IGF1R: variants seen among roughly 807,000 people sequenced by gnomAD.
IGF1R encodes the protein insulin like growth factor 1 receptor, also known as insulin-like growth factor 1 receptor.
A neutral mutation model predicts 144.6 loss-of-function variants in IGF1R; 44 were observed. That is an observed-to-expected ratio of 0.30 (90% CI 0.24 to 0.39). The LOEUF is 0.39. IGF1R is among the 10% of genes least tolerant of loss of function. The probability of loss-of-function intolerance (pLI) is 1.00; values close to 1 mark genes in which losing one functional copy is unlikely to be tolerated. For synonymous variants in IGF1R, 795 were observed against 722.8 expected (o/e 1.10, Z -1.60); for missense variants, 1,355 against 1,833.7 (o/e 0.74, Z 4.77).
In IGF1R at chr15:98,730,558, G is replaced by T. The variant is rs78720318; in HGVS notation, c.640+22451G>T. ...AGTGCACATAGAGTTGGCCTCTGAG[G>T]TCAGCCTCCTGTTTTCCTGTGAAAA... On this transcript the variant is annotated intron_variant, in intron 2 of 20. Coordinates refer to ENST00000650285, the MANE Select transcript of IGF1R (RefSeq NM_000875.5). 2.6e-3 allele frequency among the ~76,000 whole-genome samples: 390 copies of T among 152,276 alleles called. 2 individuals are homozygous for T. Among genetic ancestry groups the T allele is most frequent in the African/African-American group, 9.2e-3 (382 of 41,552 alleles).
chr15:98,931,871 G>T (rs2015955286), intron 15 of IGF1R, among the ~76,000 whole-genome samples: 1 of 152,166 alleles, frequency 6.6e-6, no homozygotes, highest in Non-Finnish European at 1.5e-5. Context: ...CAAGAAGATA[G>T]ATATGCATTG....
chr15:98,868,372 G>GC (rs1342988653), intron 2 of IGF1R, among the ~76,000 whole-genome samples: 1 of 87,188 alleles, frequency 1.1e-5, no homozygotes, highest in Non-Finnish European at 2.5e-5. Context: ...TTTTTTTTTG[G>GC]GGGGGGGGTC....
chr15:98,909,712 C>T (rs2014917090), intron 6 of IGF1R, among the ~76,000 whole-genome samples: 1 of 152,226 alleles, frequency 6.6e-6, no homozygotes, highest in Non-Finnish European at 1.5e-5. Context: ...TTACACTCGG[C>T]CGCCTTGTTT....
intron 11 of IGF1R, 137 bp downstream of exon 11, chr15:98,922,568 A>T: frequency 8.7e-6 from 9 of 1,029,376 alleles, no homozygotes; most frequent in East Asian, 4.9e-5. Context: ...ACGTGCAGTC[A>T]TTGGCAGGTG....
rs1233956865 is a variant in IGF1R, at chr15:98,780,570, AAAAAAG to A, written c.640+72465_640+72470del. 8.1e-3 allele frequency among the ~76,000 whole-genome samples: 260 copies of A among 32,090 alleles called. 6 individuals carry two copies. Among genetic ancestry groups the A allele is most frequent in the African/African-American group, 0.011 (252 of 22,302 alleles). The allele number at this position is 32,090 out of a possible 152,430, so 21.1% of individuals were successfully genotyped here. A position where few individuals can be genotyped will look rare whatever the true frequency, so the allele number is the denominator to read the frequency against. On this transcript the variant is annotated intron_variant, in intron 2 of 20. Transcript: ENST00000650285. ...GTCTCAAAAAAAAAAAAAAAAAAAA[AAAAAAG>A]AGAGAGAGAGTAAATAAAATTGTAA...
At chr15:98,812,373 T>TC (rs58658627) in intron 2 of IGF1R, among the ~76,000 whole-genome samples, 5,141 of 151,808 alleles carry the variant, frequency 0.034, 282 homozygotes, top group African/African-American at 0.12. Context: ...TTTTTTTTTT[T>TC]CAAGGCAGAG....
chr15:98,738,213 A>G (rs561334043), intron 2 of IGF1R, among the ~76,000 whole-genome samples: 1 of 152,312 alleles, frequency 6.6e-6, no homozygotes, highest in African/African-American at 2.4e-5. Context: ...TCCCGTTGTA[A>G]GGCCAGGAGA....
Position 98,824,641 on chromosome 15 carries a change from T to C in IGF1R, c.641-66684T>C, listed in dbSNP as rs74373460. On this transcript the variant is annotated intron_variant, in intron 2 of 20. Coordinates refer to ENST00000650285, the MANE Select transcript of IGF1R (RefSeq NM_000875.5). ...AGGTTCTGCCAAAAGGCTGGGCCCT[T>C]GTCTCCCACCCCACTGCTGTTACTC... Among the ~76,000 whole-genome samples, 1,522 of 152,336 alleles carry C rather than the reference T, an allele frequency of 1.0e-2. 31 individuals carry two copies. The highest frequency in any genetic ancestry group is 0.035 in the African/African-American group (1,439 of 41,568).
intron 2 of IGF1R, among the ~76,000 whole-genome samples, chr15:98,716,848 G>T (rs556328597): frequency 6.6e-6 from 1 of 152,116 alleles, no homozygotes; most frequent in Non-Finnish European, 1.5e-5. Context: ...CAGCTTGGCC[G>T]CTGTTAGGTT....
chr15:98,795,718 T>C (rs570709881), intron 2 of IGF1R, among the ~76,000 whole-genome samples: 1 of 152,226 alleles, frequency 6.6e-6, no homozygotes, highest in African/African-American at 2.4e-5. Flanking sequence ...GCCTATTATG[T>C]GTTTCTTATA....
intron 2 of IGF1R, among the ~76,000 whole-genome samples, chr15:98,840,986 G>A (rs1463699158): frequency 6.6e-6 from 1 of 152,150 alleles, no homozygotes; most frequent in African/African-American, 2.4e-5. Flanking sequence ...TGGCCGTCCA[G>A]GCTGGTCTTG....
At chr15:98,658,310 G>T (rs1177406138) in intron 1 of IGF1R, among the ~76,000 whole-genome samples, 1 of 152,152 alleles carries the variant, frequency 6.6e-6, no homozygotes, top group East Asian at 1.9e-4. Flanking sequence ...AACACAGGAA[G>T]GTCACCATAG....
Position 98,891,730 on chromosome 15 carries a change from G to T in IGF1R, c.953+93G>T. ...AGACTCTGTCGGTTGTTTCATCCGG[G>T]TGCAGCCCTCAGGAAGTTCACTGAG... On this transcript the variant is annotated intron_variant, in intron 3 of 20. Transcript: ENST00000650285. This position sits in a 1 kb window ranked among gnomAD's most constrained non-coding sequence, Gnocchi z 4.7. The T allele has an allele frequency of 7.7e-7, 1 of 1,296,588 alleles. No homozygotes were observed. Among genetic ancestry groups the T allele is most frequent in the East Asian group, 2.5e-5 (1 of 40,524 alleles). 80.3% of individuals were successfully genotyped at this position (1,296,588 alleles called of 1,614,324 possible).
chr15:98,701,359 T>C lies in IGF1R; in HGVS notation c.95-6203T>C, dbSNP rs906674284. Among the ~76,000 whole-genome samples, 10 of 122,922 alleles carry C rather than the reference T, an allele frequency of 8.1e-5. No individual in the cohort carries two copies. In the Admixed American group the frequency reaches 8.9e-4, roughly 11 times the overall value. 80.6% of individuals were successfully genotyped at this position (122,922 alleles called of 152,430 possible). ...TTTTTTTTTTTTTTTTTTTTTGAGATGGAGTCTCGTTCTGTCACCCAGGCT... is the reference window on the plus strand; with the variant it reads ...TTTTTTTTTTTTTTTTTTTTTGAGACGGAGTCTCGTTCTGTCACCCAGGCT... On this transcript the variant is annotated intron_variant, in intron 1 of 20. Transcript: ENST00000650285.
chr15:98,830,022 C>T (rs1178972761), intron 2 of IGF1R, among the ~76,000 whole-genome samples: 1 of 152,178 alleles, frequency 6.6e-6, no homozygotes, highest in East Asian at 1.9e-4. Context: ...TTTTCTAATA[C>T]TGAGACAACA....
chr15:98,781,649 G>C (rs1348322018), intron 2 of IGF1R, among the ~76,000 whole-genome samples: 1 of 152,102 alleles, frequency 6.6e-6, no homozygotes, highest in Non-Finnish European at 1.5e-5. Flanking sequence ...TTGGTAAATA[G>C]TATAAACAAG....
rs1567225434 is a variant in IGF1R, at chr15:98,958,770, A to AC, written c.*1331dup. On this transcript the variant is annotated 3_prime_UTR_variant, in exon 21 of 21. Transcript: ENST00000650285. ...TTAATCTATGAAAACCTTCAGGTCC[A>AC]CCCTCTCCCCTTTCTGCTCACTCCA... 1 of 232,516 alleles carries AC rather than the reference A, an allele frequency of 4.3e-6. No homozygotes were observed. Among genetic ancestry groups the AC allele is most frequent in the African/African-American group, 2.2e-5 (1 of 45,238 alleles). 14.4% of individuals were successfully genotyped at this position (232,516 alleles called of 1,614,324 possible).
intron 1 of IGF1R, among the ~76,000 whole-genome samples, chr15:98,692,080 A>T (rs190321443): frequency 7.8e-4 from 118 of 152,128 alleles, no homozygotes; most frequent in African/African-American, 2.7e-3. Flanking sequence ...TCATGCCTGT[A>T]ATCCCAGCAC....
rs990075425 is a variant in IGF1R at position 98,665,344 on chromosome 15, C to G, written c.94+15669C>G. Among the ~76,000 whole-genome samples, 3 of 152,202 alleles carry G rather than the reference C, an allele frequency of 2.0e-5. No individual in the cohort carries two copies. The South Asian group carries it at 6.2e-4, about 32-fold the overall frequency. The stretch of plus-strand genomic sequence containing the variant: ...CTCCTTTTCTGTCCCTGTCTCCCTC[C>G]TGACTCTGCATCTGCCTCCGTTTGA... On this transcript the variant is annotated intron_variant, in intron 1 of 20. Coordinates refer to ENST00000650285, the MANE Select transcript of IGF1R (RefSeq NM_000875.5).
Sources: gnomAD v4.1 joint callset for allele counts (sites outside exome capture counted in the v4.1 genomes callset) on GRCh38, gnomAD v4.1.1 for gene constraint, Gnocchi (gnomAD v3.1) non-coding constraint, MANE v1.5 for transcripts, NCBI Gene and HGNC (gene_info 2026-07-23, HGNC 2026-07-21) for gene names.